BRPF3: variants seen among roughly 807,000 people sequenced by gnomAD.
The protein encoded by BRPF3 is bromodomain and PHD finger-containing protein 3.
Under a neutral mutation model 102.0 loss-of-function variants are expected in BRPF3, and 18 were observed. The ratio of observed to expected loss-of-function variants is 0.18; its 90% CI spans 0.12 to 0.26. The LOEUF (loss-of-function observed/expected upper bound fraction) is 0.26, where lower values mean the gene tolerates loss of function less well. Among genes scored for constraint, BRPF3 ranks in the 10% least tolerant of loss-of-function variants. The probability of loss-of-function intolerance (pLI) is 1.00; values close to 1 mark genes in which losing one functional copy is unlikely to be tolerated. For missense variants in BRPF3, 1,147 were observed against 1,567.8 expected (o/e 0.73, Z 4.53); for synonymous variants, 570 against 614.2 (o/e 0.93, Z 1.06).
chr6:36,207,994 T>G (rs1767965214), intron 4 of BRPF3, among the ~76,000 whole-genome samples: 1 of 152,246 alleles, frequency 6.6e-6, no homozygotes, highest in African/African-American at 2.4e-5. Flanking sequence ...CTGCCTCTTC[T>G]ACAGACTACC....
intron 2 of BRPF3, among the ~76,000 whole-genome samples, chr6:36,202,003 A>G (rs989003427): frequency 4.6e-5 from 7 of 152,208 alleles, no homozygotes; most frequent in Non-Finnish European, 7.3e-5. Flanking sequence ...TTACTTAGAA[A>G]CTCAGGTGAT....
chr6:36,207,743 A>G (rs1767956268), intron 4 of BRPF3, among the ~76,000 whole-genome samples: 1 of 152,260 alleles, frequency 6.6e-6, no homozygotes, highest in African/African-American at 2.4e-5. Context: ...GGCCTTGAGG[A>G]TTTTGAAAAG....
intron 7 of BRPF3, among the ~76,000 whole-genome samples, 199 bp downstream of exon 7, chr6:36,211,759 T>G (rs541978723): frequency 6.6e-6 from 1 of 152,358 alleles, no homozygotes; most frequent in East Asian, 1.9e-4. Context: ...AGACTAAAAT[T>G]TATCCATCTC....
At chr6:36,226,142 ACAT>A (rs1354737999) in intron 11 of BRPF3, among the ~76,000 whole-genome samples, 1 of 152,220 alleles carries the variant, frequency 6.6e-6, no homozygotes, top group African/African-American at 2.4e-5. Context: ...TTGGCAATAA[ACAT>A]CATTGTAGTT....
Position 36,211,473 on chromosome 6 carries a change from A to C in BRPF3, c.2395A>C (p.Asn799His). The C allele has an allele frequency of 6.3e-7, 1 of 1,595,698 alleles. No individual in the cohort carries two copies. The highest frequency in any genetic ancestry group is 1.3e-5 in the African/African-American group (1 of 74,464). ...ACCATCACTCAACAAGACAGTATCC[A>C]ATGGGGAGCTGCCAGCAGGGCCCCA... ...QPPSLNKTVSNGELPAGPQGD... is the reference protein window; with the variant it reads ...QPPSLNKTVSHGELPAGPQGD... Residue 799 changes from asparagine (N) to histidine (H), a missense_variant, in exon 7 of 13, where the codon AAT becomes CAT. Transcript: ENST00000357641.
At position 36,214,092 on chromosome 6, in the gene BRPF3, C is replaced by T. The variant is rs1353374004; in HGVS notation, c.2695C>T (p.Leu899Phe). Residue 899 changes from leucine (L) to phenylalanine (F), a missense_variant, in exon 8 of 13, where the codon CTC (leucine) becomes TTC (phenylalanine). By Grantham distance (22) the Leu-to-Phe change is conservative. Around this residue, in one of 11 missense-constraint regions of BRPF3, gnomAD observed 379 missense variants for 426.3 expected, o/e 0.89. Coordinates refer to ENST00000357641, the MANE Select transcript of BRPF3 (RefSeq NM_015695.3). ...AGGGAATGAGCCTTTGCAACGCTTGCTCAGTGACAATGGCATCAACAGACT... is the reference window on the plus strand; with the variant it reads ...AGGGAATGAGCCTTTGCAACGCTTGTTCAGTGACAATGGCATCAACAGACT... ...QLGNEPLQRL[L>F]SDNGINRLSL... The T allele has an allele frequency of 6.2e-7, 1 of 1,614,194 alleles. No homozygotes were observed.
At chr6:36,214,898 G>T (rs1261170801) in intron 8 of BRPF3, among the ~76,000 whole-genome samples, 3 of 152,160 alleles carry the variant, frequency 2.0e-5, no homozygotes, top group Non-Finnish European at 2.9e-5. Flanking sequence ...TTTGAGTAAA[G>T]ATCTGAAGGA....
intron 7 of BRPF3, among the ~76,000 whole-genome samples, chr6:36,213,241 T>G (rs1317043871): frequency 6.6e-6 from 1 of 152,190 alleles, no homozygotes; most frequent in African/African-American, 2.4e-5. Flanking sequence ...CTCACTTCAT[T>G]AGACTCACTT....
At chr6:36,204,224 G>A (rs1415028436) in intron 2 of BRPF3, among the ~76,000 whole-genome samples, 13 of 152,178 alleles carry the variant, frequency 8.5e-5, no homozygotes, top group Non-Finnish European at 2.9e-5. Context: ...CTACCCCCTG[G>A]TTTGATGGGA....
chr6:36,225,007 A>G (rs1768682052), intron 10 of BRPF3, among the ~76,000 whole-genome samples: 1 of 152,254 alleles, frequency 6.6e-6, no homozygotes, highest in African/African-American at 2.4e-5. Flanking sequence ...TGCTATAACA[A>G]CAGCAGTGTT....
chr6:36,202,634 T>C (rs1293567213), intron 2 of BRPF3, among the ~76,000 whole-genome samples: 2 of 152,144 alleles, frequency 1.3e-5, no homozygotes, highest in Non-Finnish European at 2.9e-5. Context: ...TCTGATGTAG[T>C]CCTTGCACCT....
intron 11 of BRPF3, among the ~76,000 whole-genome samples, chr6:36,228,316 G>C (rs1768813630): frequency 6.6e-6 from 1 of 152,196 alleles, no homozygotes; most frequent in African/African-American, 2.4e-5. Context: ...TCTGAGCCAG[G>C]CAAGGTGGGG....
rs767303265 is a variant in BRPF3 at position 36,231,535 on chromosome 6, G to C, written c.*926G>C. 35 of 152,596 alleles carry C rather than the reference G, an allele frequency of 2.3e-4. No homozygotes were observed. Among genetic ancestry groups the C allele is most frequent in the African/African-American group, 8.4e-4 (35 of 41,428 alleles). The allele number at this position is 152,596 out of a possible 1,614,324, so 9.5% of individuals were successfully genotyped here. ...GGGTGGTTTGTGTGGAGCTGTGCTC[G>C]TCAGCTGGGTCTGCCCTCTTCCCCC... On this transcript the variant is annotated 3_prime_UTR_variant, in exon 13 of 13. Transcript: ENST00000357641.
chr6:36,204,596 A>G (rs193190287), intron 2 of BRPF3, 62 bp from the exon 3 acceptor site: 17 of 1,591,726 alleles, frequency 1.1e-5, no homozygotes, highest in Middle Eastern at 3.3e-4. Context: ...GATAGGATGC[A>G]CAGGCTGTAA....
chr6:36,222,183 C>T lies in BRPF3; in HGVS notation c.3099C>T (p.Pro1033=), dbSNP rs1768570551. 3.2e-6 allele frequency: 5 copies of T among 1,550,338 alleles called. No individual in the cohort carries two copies. Among genetic ancestry groups the T allele is most frequent in the Non-Finnish European group, 1.7e-6 (2 of 1,147,090 alleles). Residue 1033 remains proline, a synonymous_variant, in exon 10 of 13, where the codon CCC becomes CCT. Coordinates refer to ENST00000357641, the MANE Select transcript of BRPF3 (RefSeq NM_015695.3). Reference sequence around the variant, plus strand: ...CTGTGTGCAGTGGTCTGACGCCCCCCAAACGCAGCCGTGGGAAGCCAGCCC... The same window carrying T: ...CTGTGTGCAGTGGTCTGACGCCCCCTAAACGCAGCCGTGGGAAGCCAGCCC... The part of the protein sequence containing the change: ...AFEACSGLTP[P]KRSRGKPALS...
intron 1 of BRPF3, 96 bp downstream of exon 1, chr6:36,197,066 G>C (rs1435960842): frequency 6.6e-6 from 1 of 152,210 alleles, no homozygotes; most frequent in Non-Finnish European, 1.5e-5. Flanking sequence ...GGAGAAGCGG[G>C]GGGCTTTCCG....
chr6:36,221,831 C>T (rs907104624), intron 9 of BRPF3, among the ~76,000 whole-genome samples: 1 of 152,172 alleles, frequency 6.6e-6, no homozygotes, highest in Non-Finnish European at 1.5e-5. Flanking sequence ...AAGATGGCCC[C>T]TGTCATGGCA....
chr6:36,213,685 A>G lies in BRPF3; in HGVS notation c.2483-195A>G, dbSNP rs566422654. 2.6e-5 allele frequency among the ~76,000 whole-genome samples: 4 copies of G among 151,874 alleles called. No individual in the cohort carries two copies. In the South Asian group the frequency reaches 8.4e-4, roughly 32 times the overall value. On this transcript the variant is annotated intron_variant, in intron 7 of 12. Coordinates refer to ENST00000357641, the MANE Select transcript of BRPF3 (RefSeq NM_015695.3). ...ACCACTGCACTCCAGCCTGGTCAAC[A>G]GAGCAAGATCCTGTCTCTGAAAAAA...
At position 36,198,818 on chromosome 6, in the gene BRPF3, C is replaced by T. The variant is rs528542450; in HGVS notation, c.-26-1479C>T. Among the ~76,000 whole-genome samples, 4 of 152,298 alleles carry T rather than the reference C, an allele frequency of 2.6e-5. No individual in the cohort carries two copies. In the South Asian group the frequency reaches 6.2e-4, roughly 24 times the overall value. Reference sequence around the variant, plus strand: ...GGTGACAGCCTTGGTAACTGCCTACCGCAGCTCCTTATGAGCTTGTCATCC... The same window carrying T: ...GGTGACAGCCTTGGTAACTGCCTACTGCAGCTCCTTATGAGCTTGTCATCC... On this transcript the variant is annotated intron_variant, in intron 1 of 12. Coordinates refer to ENST00000357641, the MANE Select transcript of BRPF3 (RefSeq NM_015695.3).
Sources: allele counts gnomAD v4.1 joint callset (sites outside exome capture counted in the v4.1 genomes callset), GRCh38; gene constraint gnomAD v4.1.1; regional missense constraint gnomAD v4.1.1; transcripts MANE v1.5; gene names NCBI Gene and HGNC (gene_info 2026-07-23, HGNC 2026-07-21).